Variants in SLC4A4 observed in about 807,000 individuals in gnomAD.
SLC4A4 encodes the protein electrogenic sodium bicarbonate cotransporter 1.
A neutral mutation model predicts 111.5 loss-of-function variants in SLC4A4; 27 were observed. The ratio of observed to expected loss-of-function variants is 0.24; its 90% confidence interval spans 0.18 to 0.33. SLC4A4 has a LOEUF of 0.33. Among genes scored for constraint, SLC4A4 ranks in the 10% least tolerant of loss-of-function variants. The pLI is 1.00. For synonymous variants in SLC4A4, 443 were observed against 463.4 expected, an observed-to-expected ratio of 0.96 and a Z score of 0.57; for missense variants, 909 against 1,315.5, an observed-to-expected ratio of 0.69 and a Z score of 4.78.
At position 71,397,749 on chromosome 4, in the gene SLC4A4, T is replaced by C. The variant is rs1017144334; in HGVS notation, c.807+96T>C. ...GAGGTGATGGTTGCTTCACTTAAAA[T>C]GGACCTTTACGTGCAGACAACAGTT... On this transcript the variant is annotated intron_variant, in intron 7 of 25. Transcript: ENST00000264485. 1.7e-5 allele frequency: 19 copies of C among 1,101,218 alleles called. No homozygotes were observed. In the African/African-American group the frequency reaches 2.8e-4, roughly 16 times the overall value. The allele number at this position is 1,101,218 out of a possible 1,614,324, so 68.2% of individuals were successfully genotyped here. A position where few individuals can be genotyped will look rare whatever the true frequency, so the allele number is the denominator to read the frequency against.
intron 8 of SLC4A4, among the ~76,000 whole-genome samples, chr4:71,441,914 T>C (rs909531713): frequency 5.3e-5 from 8 of 152,332 alleles, no homozygotes; most frequent in African/African-American, 1.4e-4. Flanking sequence ...TGATTTGTGT[T>C]TTCTGTAACG....
At chr4:71,363,411 T>C (rs1730977311) in intron 6 of SLC4A4, among the ~76,000 whole-genome samples, 1 of 152,152 alleles carries the variant, frequency 6.6e-6, no homozygotes, top group African/African-American at 2.4e-5. Flanking sequence ...GCTTTCTCGT[T>C]CCCTTTAGAA....
chr4:71,198,889 G>A (rs1746128349), intron 1 of SLC4A4, among the ~76,000 whole-genome samples: 1 of 152,216 alleles, frequency 6.6e-6, no homozygotes, highest in Non-Finnish European at 1.5e-5. Context: ...GGGTATTTAT[G>A]TGAGCAGATG....
chr4:71,424,313 A>G (rs889017190), intron 7 of SLC4A4, among the ~76,000 whole-genome samples: 2 of 152,076 alleles, frequency 1.3e-5, no homozygotes, highest in African/African-American at 4.8e-5. Context: ...ACCAGTTTGA[A>G]TGGCAATCGT....
At chr4:71,218,916 G>T (rs1258627974) in intron 1 of SLC4A4, among the ~76,000 whole-genome samples, 1 of 152,084 alleles carries the variant, frequency 6.6e-6, no homozygotes, top group Non-Finnish European at 1.5e-5. Context: ...CCTGTGTTTG[G>T]CAAGAAGGGA....
At chr4:71,498,588 G>A (rs542940241) in intron 16 of SLC4A4, among the ~76,000 whole-genome samples, 35 of 152,078 alleles carry the variant, frequency 2.3e-4, no homozygotes, top group Admixed American at 1.1e-3. Context: ...CAAATTCTAG[G>A]AAATGAAAAT....
chr4:71,246,785 G>A (rs989659792), intron 2 of SLC4A4, among the ~76,000 whole-genome samples: 2 of 151,992 alleles, frequency 1.3e-5, no homozygotes, highest in South Asian at 4.2e-4. Context: ...GATGGGTGGA[G>A]GACTGGTACC....
At chr4:71,436,408 G>C (rs567505722) in intron 7 of SLC4A4, among the ~76,000 whole-genome samples, 5 of 152,102 alleles carry the variant, frequency 3.3e-5, no homozygotes, top group Admixed American at 2.0e-4. Flanking sequence ...GGGCCTGTCA[G>C]GGGGTCAGGG....
chr4:71,396,041 G>T (rs1305949236), intron 6 of SLC4A4, among the ~76,000 whole-genome samples: 8 of 152,108 alleles, frequency 5.3e-5, no homozygotes. Flanking sequence ...AGCATTATTT[G>T]GGGGCATTCA....
At chr4:71,285,808 CTT>C (rs368904053) in intron 3 of SLC4A4, among the ~76,000 whole-genome samples, 100 of 152,242 alleles carry the variant, frequency 6.6e-4, no homozygotes, top group Non-Finnish European at 1.1e-3. Context: ...GTTTGGTACT[CTT>C]TTGTTTTCTA....
At chr4:71,089,006 A>C (rs956639872) in intron 1 of SLC4A4, among the ~76,000 whole-genome samples, 1 of 152,050 alleles carries the variant, frequency 6.6e-6, no homozygotes, top group Non-Finnish European at 1.5e-5. Context: ...ATGTTTTCCA[A>C]CTTGGTTCCA....
At chr4:71,160,265 G>A (rs1163873440) in intron 2 of SLC4A4, among the ~76,000 whole-genome samples, 1 of 151,734 alleles carries the variant, frequency 6.6e-6, no homozygotes, top group Non-Finnish European at 1.5e-5. Context: ...GACAATCTCT[G>A]TTTAGGAGGA....
chr4:71,167,496 T>C (rs1213138672), intron 2 of SLC4A4, among the ~76,000 whole-genome samples: 5 of 152,132 alleles, frequency 3.3e-5, no homozygotes, highest in African/African-American at 1.2e-4. Context: ...GAGAAGAGGA[T>C]GTGGAAGTGG....
intron 18 of SLC4A4, among the ~76,000 whole-genome samples, chr4:71,535,781 C>T (rs1734358952): frequency 6.6e-6 from 1 of 151,906 alleles, no homozygotes; most frequent in Non-Finnish European, 1.5e-5. Context: ...AATAACTGGG[C>T]TTCAATACAA....
At chr4:71,384,695 A>G (rs1000289152) in intron 6 of SLC4A4, among the ~76,000 whole-genome samples, 31 of 151,866 alleles carry the variant, frequency 2.0e-4, no homozygotes, top group African/African-American at 7.5e-4. Flanking sequence ...TCCTTCAAAT[A>G]CATTTGTATT....
intron 1 of SLC4A4, among the ~76,000 whole-genome samples, chr4:71,071,288 A>AAGAAGAAG (rs1251900046): frequency 9.9e-5 from 15 of 150,904 alleles, no homozygotes; most frequent in African/African-American, 3.6e-4. Flanking sequence ...AAAAGGAAAG[A>AAGAAGAAG]AGAAGAAGAA....
intron 14 of SLC4A4, chr4:71,473,191 A>G: frequency 1.5e-6 from 1 of 672,316 alleles, no homozygotes; most frequent in Non-Finnish European, 2.7e-6. Flanking sequence ...TGTGAACATA[A>G]CCAACTCAAT....
In SLC4A4 at chr4:71,444,206, C is replaced by T. The variant is rs561509845; in HGVS notation, c.965+3433C>T. On this transcript the variant is annotated intron_variant, in intron 8 of 25. Coordinates refer to ENST00000264485, the MANE Select transcript of SLC4A4 (RefSeq NM_001098484.3). ...CTAGCTCCTTTTCTCATATTATGCTCTGTTTCTGCTTATAATTATTTTGTG... is the reference window on the plus strand; with the variant it reads ...CTAGCTCCTTTTCTCATATTATGCTTTGTTTCTGCTTATAATTATTTTGTG... 1.4e-3 allele frequency among the ~76,000 whole-genome samples: 214 copies of T among 152,294 alleles called. 1 individual carries two copies. The highest frequency in any genetic ancestry group is 5.0e-3 in the African/African-American group (209 of 41,564).
At chr4:71,485,282 C>T (rs1331043180) in intron 14 of SLC4A4, among the ~76,000 whole-genome samples, 1 of 151,590 alleles carries the variant, frequency 6.6e-6, no homozygotes, top group East Asian at 1.9e-4. Context: ...TCATATATGT[C>T]TCTTATTATT....
Sources: gnomAD v4.1 joint callset for allele counts (sites outside exome capture counted in the v4.1 genomes callset) on GRCh38, gnomAD v4.1.1 for gene constraint, MANE v1.5 for transcripts, NCBI Gene and HGNC (gene_info 2026-07-23, HGNC 2026-07-21) for gene names.